ASCC1: variants seen among roughly 807,000 people sequenced by gnomAD.
The protein encoded by ASCC1 is activating signal cointegrator 1 complex subunit 1.
In ASCC1, 35 loss-of-function variants were observed where a neutral mutation model predicts 46.6. The ratio of observed to expected loss-of-function variants is 0.75; its 90% CI spans 0.57 to 0.99. The LOEUF (loss-of-function observed/expected upper bound fraction) is 0.99. Among genes scored for constraint, ASCC1 ranks in the 50% least tolerant of loss-of-function variants. The pLI, the probability that ASCC1 is intolerant of heterozygous loss-of-function variation, is 0.00. For missense variants in ASCC1, 376 were observed against 428.7 expected, an observed-to-expected ratio of 0.88 and a Z score of 1.09; for synonymous variants, 143 against 146.6, an observed-to-expected ratio of 0.98 and a Z score of 0.18.
At chr10:72,189,802 CAAAAA>C (rs996153326) in intron 5 of ASCC1, 342 of 167,354 alleles carry the variant, frequency 2.0e-3, no homozygotes, top group East Asian at 3.3e-3. Flanking sequence ...AACTCCATCT[CAAAAA>C]AAAAAAAAAA....
intron 7 of ASCC1, among the ~76,000 whole-genome samples, chr10:72,142,422 A>C (rs1416941867): frequency 1.3e-5 from 2 of 149,168 alleles, no homozygotes; most frequent in Admixed American, 6.7e-5. Context: ...GTTTGAGTGC[A>C]GTGGCGTGAT....
chr10:72,198,405 A>AG (rs1855962314), intron 4 of ASCC1: 2 of 291,768 alleles, frequency 6.9e-6, no homozygotes, highest in South Asian at 2.4e-5. Flanking sequence ...AGGGAAGGGA[A>AG]GGAAGGAAAG....
intron 3 of ASCC1, among the ~76,000 whole-genome samples, chr10:72,205,885 C>T (rs755971908): frequency 5.9e-5 from 9 of 151,836 alleles, no homozygotes; most frequent in Admixed American, 2.6e-4. Flanking sequence ...GGGTGGATCA[C>T]CTGAGGTCAG....
At position 72,161,518 on chromosome 10, in the gene ASCC1, C is replaced by T. The variant is rs780388080; in HGVS notation, c.626+20G>A. ...CAGCCCAGGTAGACCACCCAACCCC[C>T]ATCCCTGAGAATTACTCACTTAATG... On this transcript the variant is annotated intron_variant, in intron 6 of 9. Transcript: ENST00000672957. 2.5e-6 allele frequency: 4 copies of T among 1,614,130 alleles called. No homozygotes were observed. The highest frequency in any genetic ancestry group is 2.2e-5 in the South Asian group (2 of 91,076).
At chr10:72,214,714 G>A (rs1362836634) in intron 1 of ASCC1, among the ~76,000 whole-genome samples, 2 of 151,850 alleles carry the variant, frequency 1.3e-5, no homozygotes, top group East Asian at 3.8e-4. Context: ...AGACAATGAG[G>A]GATATTTAAT....
Position 72,096,423 on chromosome 10 carries a change from G to C in ASCC1, c.*911C>G, listed in dbSNP as rs189724030. On this transcript the variant is annotated 3_prime_UTR_variant, in exon 10 of 10. Coordinates refer to ENST00000672957, the MANE Select transcript of ASCC1 (RefSeq NM_001198800.3). ...GCTGCAACACTGCAACTCCATCAGG[G>C]GCATGGGAAGATGAGGGTGGGGATG... The C allele has an allele frequency of 8.8e-6, 4 of 454,178 alleles. No homozygotes were observed. In the Admixed American group the frequency reaches 9.4e-5, roughly 11 times the overall value. The allele number at this position is 454,178 out of a possible 1,614,324, so 28.1% of individuals were successfully genotyped here.
At chr10:72,166,501 C>T (rs74408342) in intron 5 of ASCC1, among the ~76,000 whole-genome samples, 1 of 113,526 alleles carries the variant, frequency 8.8e-6, no homozygotes, top group African/African-American at 4.6e-5. Context: ...TTTTTCTCTA[C>T]AAAAAAAAAA....
intron 4 of ASCC1, among the ~76,000 whole-genome samples, chr10:72,197,278 T>C (rs1442255448): frequency 2.0e-5 from 3 of 151,996 alleles, no homozygotes; most frequent in East Asian, 3.9e-4. Context: ...GAGACCATCC[T>C]GGCTAACACA....
intron 9 of ASCC1, among the ~76,000 whole-genome samples, chr10:72,104,177 C>T (rs1259243823): frequency 6.6e-6 from 1 of 152,130 alleles, no homozygotes; most frequent in Non-Finnish European, 1.5e-5. Flanking sequence ...TACTCTATTG[C>T]CCCTTAATGT....
intron 9 of ASCC1, among the ~76,000 whole-genome samples, chr10:72,117,802 T>C (rs1843668278): frequency 6.6e-6 from 1 of 152,202 alleles, no homozygotes; most frequent in Admixed American, 6.5e-5. Flanking sequence ...GTTTGTGTAT[T>C]AGCTTTAAAA....
intron 5 of ASCC1, among the ~76,000 whole-genome samples, chr10:72,184,644 G>A (rs925088563): frequency 6.6e-6 from 1 of 151,984 alleles, no homozygotes; most frequent in African/African-American, 2.4e-5. Context: ...AGAAATAGAT[G>A]AATCCACAGT....
At chr10:72,213,029 A>G (rs1858398752) in intron 2 of ASCC1, among the ~76,000 whole-genome samples, 158 bp downstream of exon 2, 1 of 152,158 alleles carries the variant, frequency 6.6e-6, no homozygotes, top group African/African-American at 2.4e-5. Context: ...ACTCAAACTC[A>G]TCAGTACCCT....
At chr10:72,185,926 A>G (rs1853387668) in intron 5 of ASCC1, among the ~76,000 whole-genome samples, 1 of 152,154 alleles carries the variant, frequency 6.6e-6, no homozygotes, top group South Asian at 2.1e-4. Context: ...ATTTATCCCA[A>G]AGAAACCAGG....
chr10:72,129,632 C>G (rs113938820), intron 8 of ASCC1, among the ~76,000 whole-genome samples: 3,837 of 151,000 alleles, frequency 0.025, 187 homozygotes, highest in African/African-American at 0.089. Flanking sequence ...ATGGTGAAAC[C>G]CCGTCTCTAC....
rs1564562554 is a variant in ASCC1, at chr10:72,097,261, C to G, written c.*73G>C. On this transcript the variant is annotated 3_prime_UTR_variant, in exon 10 of 10. Coordinates refer to ENST00000672957, the MANE Select transcript of ASCC1 (RefSeq NM_001198800.3). ...TCCAAATGTCCACATCCCTGCTTGG[C>G]AATTAAAACGAAGACACTTTTCTTC... is the stretch of plus-strand genomic sequence containing the variant. 1 of 1,058,900 alleles carries G rather than the reference C, an allele frequency of 9.4e-7. No homozygotes were observed. The highest frequency in any genetic ancestry group is 1.5e-6 in the Non-Finnish European group (1 of 679,570). 65.6% of individuals were successfully genotyped at this position (1,058,900 alleles called of 1,614,324 possible).
At chr10:72,198,716 G>A (rs1405712282) in intron 4 of ASCC1, 6 of 455,614 alleles carry the variant, frequency 1.3e-5, no homozygotes, top group Non-Finnish European at 2.2e-5. Context: ...AATATCACAC[G>A]AATGCAACTG....
At chr10:72,113,555 C>T (rs557254031) in intron 9 of ASCC1, among the ~76,000 whole-genome samples, 4 of 152,190 alleles carry the variant, frequency 2.6e-5, no homozygotes, top group Non-Finnish European at 5.9e-5. Flanking sequence ...CAAAGTAACA[C>T]ATAAGACACA....
intron 5 of ASCC1, chr10:72,189,904 G>C (rs1854146886): frequency 3.0e-6 from 2 of 667,732 alleles, no homozygotes; most frequent in Non-Finnish European, 5.4e-6. Flanking sequence ...AGAAAGTACA[G>C]CCTTTCTGTC....
chr10:72,184,367 T>C (rs1358107583), intron 5 of ASCC1, among the ~76,000 whole-genome samples: 1 of 152,124 alleles, frequency 6.6e-6, no homozygotes, highest in African/African-American at 2.4e-5. Flanking sequence ...GATGTCAGAC[T>C]GCAATTTAAA....
Sources: allele counts gnomAD v4.1 joint callset (sites outside exome capture counted in the v4.1 genomes callset), GRCh38; gene constraint gnomAD v4.1.1; transcripts MANE v1.5; gene names NCBI Gene and HGNC (gene_info 2026-07-23, HGNC 2026-07-21).